The following ZYG11B variants were observed in gnomAD, a reference collection of about 807,000 sequenced individuals.
ZYG11B encodes the protein zyg-11 family member B, cell cycle regulator.
In ZYG11B, 36 loss-of-function variants were observed where a neutral mutation model predicts 82.4. The ratio of observed to expected loss-of-function variants is 0.44; its 90% CI spans 0.33 to 0.58. ZYG11B has a LOEUF of 0.58. Among genes scored for constraint, ZYG11B ranks in the 20% least tolerant of loss-of-function variants. The pLI is 0.02. For synonymous variants in ZYG11B, 303 were observed against 312.8 expected, an observed-to-expected ratio of 0.97 and a Z score of 0.33; for missense variants, 552 against 895.6, an observed-to-expected ratio of 0.62 and a Z score of 4.90.
At chr1:52,792,297 G>T (rs1644966117) in intron 6 of ZYG11B, among the ~76,000 whole-genome samples, 1 of 152,190 alleles carries the variant, frequency 6.6e-6, no homozygotes, top group Non-Finnish European at 1.5e-5. Context: ...TTAATGAAAT[G>T]CATTGTGCCC....
At chr1:52,775,843 A>C (rs1644800145) in intron 3 of ZYG11B, among the ~76,000 whole-genome samples, 1 of 150,472 alleles carries the variant, frequency 6.6e-6, no homozygotes, top group Non-Finnish European at 1.5e-5. Context: ...TTTGGGAGAA[A>C]AAAGAATATA....
chr1:52,751,779 T>C (rs1471299496), intron 1 of ZYG11B, among the ~76,000 whole-genome samples: 2 of 152,170 alleles, frequency 1.3e-5, no homozygotes, highest in Non-Finnish European at 2.9e-5. Flanking sequence ...AGATAACTTC[T>C]TTCTGGGCTG....
At chr1:52,811,533 T>C (rs1202366677) in intron 10 of ZYG11B, among the ~76,000 whole-genome samples, 1 of 152,148 alleles carries the variant, frequency 6.6e-6, no homozygotes, top group Non-Finnish European at 1.5e-5. Flanking sequence ...TTTGAACTCC[T>C]GGCCTGAAGT....
Position 52,752,879 on chromosome 1 carries a change from G to A in ZYG11B, c.31-3579G>A, listed in dbSNP as rs545366891. Reference sequence around the variant, plus strand: ...TTCTTGGGGTGGGGTACAGAGTCTCGCTATGTCGCCCAGGCTGGAGTGCAG... The same window carrying A: ...TTCTTGGGGTGGGGTACAGAGTCTCACTATGTCGCCCAGGCTGGAGTGCAG... On this transcript the variant is annotated intron_variant, in intron 1 of 13. Transcript: ENST00000294353. 4.0e-5 allele frequency among the ~76,000 whole-genome samples: 6 copies of A among 151,660 alleles called. No individual in the cohort carries two copies. In the East Asian group the frequency reaches 9.7e-4, roughly 25 times the overall value.
chr1:52,785,330 A>T (rs1168575852), intron 5 of ZYG11B, among the ~76,000 whole-genome samples: 1 of 152,204 alleles, frequency 6.6e-6, no homozygotes, highest in Non-Finnish European at 1.5e-5. Context: ...GGCACAGAGG[A>T]TCTGTTCTGG....
chr1:52,741,298 CAAA>C (rs770092920), intron 1 of ZYG11B, among the ~76,000 whole-genome samples: 16 of 72,212 alleles, frequency 2.2e-4, no homozygotes, highest in Middle Eastern at 0.011. Context: ...GACTTCGTCT[CAAA>C]AAAAAAAAAA....
chr1:52,730,093 C>A (rs1644317555), intron 1 of ZYG11B, among the ~76,000 whole-genome samples: 1 of 152,152 alleles, frequency 6.6e-6, no homozygotes, highest in South Asian at 2.1e-4. Flanking sequence ...TAGACGTGAA[C>A]TACTACAAAA....
At chr1:52,796,898 AATT>A (rs1411365160) in intron 8 of ZYG11B, 114 bp downstream of exon 8, 1 of 108,478 alleles carries the variant, frequency 9.2e-6, no homozygotes, top group Non-Finnish European at 1.7e-5. Context: ...TATAATATAT[AATT>A]ATATATATAT....
intron 8 of ZYG11B, among the ~76,000 whole-genome samples, chr1:52,800,361 A>G (rs555875780): frequency 7.2e-4 from 109 of 152,246 alleles, no homozygotes; most frequent in Non-Finnish European, 1.4e-3. Context: ...ATAAGTAGAA[A>G]AAGATGCTTA....
At chr1:52,821,022 G>A (rs1301616672) in intron 13 of ZYG11B, among the ~76,000 whole-genome samples, 1 of 151,414 alleles carries the variant, frequency 6.6e-6, no homozygotes, top group African/African-American at 2.4e-5. Flanking sequence ...CCCAGGAGGC[G>A]GAGGCTGCAG....
Position 52,822,461 on chromosome 1 carries a change from G to A in ZYG11B, c.*832G>A, listed in dbSNP as rs1454091032. 1 of 152,214 alleles carries A rather than the reference G, an allele frequency of 6.6e-6. No homozygotes were observed. Among genetic ancestry groups the A allele is most frequent in the African/African-American group, 2.4e-5 (1 of 41,454 alleles). The allele number at this position is 152,214 out of a possible 1,614,324, so 9.4% of individuals were successfully genotyped here. On this transcript the variant is annotated 3_prime_UTR_variant, in exon 14 of 14. Transcript: ENST00000294353. ...CTACATCTCCATATGTTGTAGTGTT[G>A]TGAAAATGTGATTTTAAAAAATTAT... is the stretch of plus-strand genomic sequence containing the variant.
intron 12 of ZYG11B, among the ~76,000 whole-genome samples, chr1:52,814,761 G>A (rs545739370): frequency 6.6e-6 from 1 of 152,278 alleles, no homozygotes; most frequent in East Asian, 1.9e-4. Flanking sequence ...TGTGACCTGA[G>A]TGTTGAAAGA....
intron 6 of ZYG11B, among the ~76,000 whole-genome samples, chr1:52,790,269 A>G (rs950013224): frequency 2.0e-5 from 3 of 152,200 alleles, no homozygotes; most frequent in South Asian, 2.1e-4. Flanking sequence ...CCATGTTTTC[A>G]TAGTCCTTTG....
intron 10 of ZYG11B, among the ~76,000 whole-genome samples, chr1:52,802,951 T>A (rs1482890029): frequency 6.8e-6 from 1 of 146,796 alleles, no homozygotes; most frequent in Non-Finnish European, 1.5e-5. Flanking sequence ...ACCCAGGAGG[T>A]GGAGATTGCA....
chr1:52,791,953 A>C (rs1410139687), intron 6 of ZYG11B, among the ~76,000 whole-genome samples: 1 of 152,210 alleles, frequency 6.6e-6, no homozygotes, highest in East Asian at 1.9e-4. Context: ...GAAATACTCT[A>C]GGCCTATGGG....
At chr1:52,806,354 A>C (rs1645141548) in intron 10 of ZYG11B, among the ~76,000 whole-genome samples, 2 of 152,222 alleles carry the variant, frequency 1.3e-5, no homozygotes, top group South Asian at 4.1e-4. Context: ...GATACTGTAC[A>C]ATTCTACCAC....
intron 10 of ZYG11B, among the ~76,000 whole-genome samples, chr1:52,806,855 G>C (rs1381338307): frequency 6.6e-6 from 1 of 151,090 alleles, no homozygotes; most frequent in Non-Finnish European, 1.5e-5. Flanking sequence ...TAATAATTGT[G>C]TATGTGGAGT....
chr1:52,771,435 A>C lies in ZYG11B; in HGVS notation c.612A>C (p.Leu204=). 1 of 1,614,002 alleles carries C rather than the reference A, an allele frequency of 6.2e-7. No individual in the cohort carries two copies. Among genetic ancestry groups the C allele is most frequent in the Non-Finnish European group, 8.5e-7 (1 of 1,180,030 alleles). ...SNTSITDITA[L]LACKDRLKSL... The stretch of plus-strand genomic sequence containing the variant: ...CCTCAATCACAGACATCACTGCTCT[A>C]CTGGCCTGCAAAGACCGACTCAAGT... The change falls in exon 3 of 14, where the codon CTA becomes CTC. Residue 204 remains leucine (L), a synonymous_variant. Coordinates refer to ENST00000294353, the MANE Select transcript of ZYG11B (RefSeq NM_024646.3). This position sits in a 1 kb window ranked among gnomAD's most constrained non-coding sequence, Gnocchi z 5.4.
At chr1:52,749,305 T>A (rs1414277210) in intron 1 of ZYG11B, among the ~76,000 whole-genome samples, 1 of 152,190 alleles carries the variant, frequency 6.6e-6, no homozygotes. Context: ...TCTGTTACAG[T>A]ACTTAAGGAA....
Sources: gnomAD v4.1 joint callset for allele counts (sites outside exome capture counted in the v4.1 genomes callset) on GRCh38, gnomAD v4.1.1 for gene constraint, Gnocchi (gnomAD v3.1) non-coding constraint, MANE v1.5 for transcripts, NCBI Gene and HGNC (gene_info 2026-07-23, HGNC 2026-07-21) for gene names.